The following LXN variants were observed in gnomAD, a reference collection of about 807,000 sequenced individuals.
LXN encodes the protein latexin.
In LXN, 28 loss-of-function variants were observed where a neutral mutation model predicts 29.8. The ratio of observed to expected loss-of-function variants is 0.94; its 90% confidence interval spans 0.70 to 1.29. The LOEUF (loss-of-function observed/expected upper bound fraction) is 1.29, where lower values mean the gene tolerates loss of function less well. LXN is among the 50% of genes most tolerant of loss of function. LXN has a pLI of 0.00. For missense variants in LXN, 227 were observed against 261.7 expected (o/e 0.87, Z 0.92); for synonymous variants, 77 against 89.6 (o/e 0.86, Z 0.80).
chr3:158,669,964 C>T (rs1045336712), intron 2 of LXN, among the ~76,000 whole-genome samples: 2 of 152,068 alleles, frequency 1.3e-5, no homozygotes, highest in African/African-American at 4.8e-5. Context: ...AAAGTTTTTC[C>T]ATTACTCTTA....
Position 158,666,637 on chromosome 3 carries a change from G to A in LXN, c.*9C>T, listed in dbSNP as rs1723714825. On this transcript the variant is annotated 3_prime_UTR_variant, in exon 6 of 6. Coordinates refer to ENST00000264265, the MANE Select transcript of LXN (RefSeq NM_020169.4). ...GACATGTTTACACTTCCAGTGTTAG[G>A]GTTTTTGTTTATTCCAGTTGTACTT... 6.2e-7 allele frequency: 1 copy of A among 1,607,934 alleles called. No individual in the cohort carries two copies. The highest frequency in any genetic ancestry group is 1.3e-5 in the African/African-American group (1 of 74,758).
chr3:158,672,576 G>C lies in LXN; in HGVS notation c.-98C>G. 6.7e-7 allele frequency: 1 copy of C among 1,503,128 alleles called. No individual in the cohort carries two copies. The highest frequency in any genetic ancestry group is 9.1e-7 in the Non-Finnish European group (1 of 1,102,804). The allele number at this position is 1,503,128 out of a possible 1,614,324, so 93.1% of individuals were successfully genotyped here. A position where few individuals can be genotyped will look rare whatever the true frequency, so the allele number is the denominator to read the frequency against. On this transcript the variant is annotated 5_prime_UTR_variant, in exon 1 of 6. Coordinates refer to ENST00000264265, the MANE Select transcript of LXN (RefSeq NM_020169.4). ...CTGCTTGCTGCTGGGTCCGGTTGCC[G>C]AGGCGGAAAAGTCGCAAGCTCCTTC...
Position 158,672,439 on chromosome 3 carries a change from C to A in LXN, c.40G>T (p.Ala14Ser). Reference sequence around the variant, plus strand: ...TTGATGTAGTTCTGTGCCACCAAGGCCGCCCTGGAGGCTGGGTAGTTGGTC... The same window carrying A: ...TTGATGTAGTTCTGTGCCACCAAGGACGCCCTGGAGGCTGGGTAGTTGGTC... ...PPTNYPASRA[A>S]LVAQNYINYQ... The change falls in exon 1 of 6, where the codon GCC (alanine) becomes TCC (serine). Residue 14 changes from alanine to serine, a missense_variant. Physicochemically the swap from Ala to Ser is moderately conservative, Grantham distance 99. Transcript: ENST00000264265. 6.2e-7 allele frequency: 1 copy of A among 1,614,068 alleles called. No individual in the cohort carries two copies. Among genetic ancestry groups the A allele is most frequent in the South Asian group, 1.1e-5 (1 of 91,086 alleles).
At chr3:158,667,812 A>T (rs1480218796) in intron 4 of LXN, among the ~76,000 whole-genome samples, 1 of 152,164 alleles carries the variant, frequency 6.6e-6, no homozygotes, top group Non-Finnish European at 1.5e-5. Context: ...AAACAAAAAA[A>T]CCAGAACACC....
At position 158,666,508 on chromosome 3, in the gene LXN, C is replaced by CTA; in HGVS notation, c.*136_*137dup. ...GTAGTGATACTTTGTATTATGGACTCTATAAAGTTCTATACTGTAATCAAG... is the reference window on the plus strand; with the variant it reads ...GTAGTGATACTTTGTATTATGGACTCTATATAAAGTTCTATACTGTAATCAAG... On this transcript the variant is annotated 3_prime_UTR_variant, in exon 6 of 6. Transcript: ENST00000264265. The CTA allele has an allele frequency of 9.0e-7, 1 of 1,113,234 alleles. No homozygotes were observed. Among genetic ancestry groups the CTA allele is most frequent in the East Asian group, 2.4e-5 (1 of 41,218 alleles). 69.0% of individuals were successfully genotyped at this position (1,113,234 alleles called of 1,614,324 possible). A position where few individuals can be genotyped will look rare whatever the true frequency, so the allele number is the denominator to read the frequency against.
Position 158,672,381 on chromosome 3 carries a change from T to C in LXN, c.98A>G (p.Glu33Gly). ...YQQGTPHRVF[E>G]VQKVKQASME... ...GCTGGCTTGTTTGACCTTCTGCACC[T>C]CAAACACCCTGTGCGGGGTCCCCTG... is the stretch of plus-strand genomic sequence containing the variant. Residue 33 changes from glutamate (E) to glycine (G), a missense_variant, in exon 1 of 6, where the codon GAG (glutamate) becomes GGG (glycine). Coordinates refer to ENST00000264265, the MANE Select transcript of LXN (RefSeq NM_020169.4). 2 of 1,613,994 alleles carry C rather than the reference T, an allele frequency of 1.2e-6. No individual in the cohort carries two copies. The highest frequency in any genetic ancestry group is 1.7e-6 in the Non-Finnish European group (2 of 1,179,922).
At chr3:158,671,049 G>T in intron 1 of LXN, 30 bp from the exon 2 acceptor site, 1 of 1,490,798 alleles carries the variant, frequency 6.7e-7, no homozygotes, top group East Asian at 2.5e-5. Context: ...GTGGAGACAA[G>T]AAAATATTAT....
At chr3:158,669,370 A>G (rs746410239) in intron 3 of LXN, 63 bp downstream of exon 3, 12 of 1,478,760 alleles carry the variant, frequency 8.1e-6, no homozygotes, top group Non-Finnish European at 1.1e-5. Context: ...TTTTAAGCAC[A>G]GATAATTGAG....
chr3:158,666,861 A>C lies in LXN; in HGVS notation c.571-117T>G, dbSNP rs2108054919. On this transcript the variant is annotated intron_variant, in intron 5 of 5. Coordinates refer to ENST00000264265, the MANE Select transcript of LXN (RefSeq NM_020169.4). ...CTTCACAAAGAATAGTACTTTTGTT[A>C]AATTGCTGCAATTATAATATACTTA... The C allele has an allele frequency of 3.5e-6, 5 of 1,422,744 alleles. No homozygotes were observed. The South Asian group carries it at 6.4e-5, about 18-fold the overall frequency. The allele number at this position is 1,422,744 out of a possible 1,614,324, so 88.1% of individuals were successfully genotyped here.
At chr3:158,672,051 A>G (rs1724368241) in intron 1 of LXN, among the ~76,000 whole-genome samples, 1 of 152,198 alleles carries the variant, frequency 6.6e-6, no homozygotes, top group Non-Finnish European at 1.5e-5. Flanking sequence ...TACAGTTTAC[A>G]CTTAAGGAAA....
At chr3:158,671,496 T>C (rs914493318) in intron 1 of LXN, among the ~76,000 whole-genome samples, 13 of 152,252 alleles carry the variant, frequency 8.5e-5, no homozygotes, top group African/African-American at 3.1e-4. Context: ...TTTTTACTTA[T>C]ACATTAGTGA....
At chr3:158,671,646 G>T (rs1724325385) in intron 1 of LXN, among the ~76,000 whole-genome samples, 1 of 152,174 alleles carries the variant, frequency 6.6e-6, no homozygotes, top group Admixed American at 6.5e-5. Context: ...ACCTCTAAAA[G>T]ACTGTTAGCA....
At chr3:158,666,808 G>T in intron 5 of LXN, 64 bp from the exon 6 acceptor site, 1 of 1,515,320 alleles carries the variant, frequency 6.6e-7, no homozygotes, top group Non-Finnish European at 9.1e-7. Flanking sequence ...ACGTAGTTGG[G>T]TTTATGTTTT....
At position 158,666,538 on chromosome 3, in the gene LXN, T is replaced by C; in HGVS notation, c.*108A>G. 8.4e-7 allele frequency: 1 copy of C among 1,185,198 alleles called. No individual in the cohort carries two copies. The allele number at this position is 1,185,198 out of a possible 1,614,324, so 73.4% of individuals were successfully genotyped here. ...AAGTTCTATACTGTAATCAAGACATTTATATAAAGTGACACTTTGGGATTA... is the reference window on the plus strand; with the variant it reads ...AAGTTCTATACTGTAATCAAGACATCTATATAAAGTGACACTTTGGGATTA... On this transcript the variant is annotated 3_prime_UTR_variant, in exon 6 of 6. Transcript: ENST00000264265.
At chr3:158,668,812 T>C (rs1187801668) in intron 4 of LXN, among the ~76,000 whole-genome samples, 184 bp downstream of exon 4, 1 of 152,182 alleles carries the variant, frequency 6.6e-6, no homozygotes, top group African/African-American at 2.4e-5. Flanking sequence ...TTACTGTTGC[T>C]TTGGACTCTT....
chr3:158,671,064 A>G, intron 1 of LXN, 45 bp from the exon 2 acceptor site: 1 of 1,443,202 alleles, frequency 6.9e-7, no homozygotes, highest in East Asian at 2.6e-5. Context: ...TATTATAACA[A>G]CATTATACTT....
intron 2 of LXN, 49 bp downstream of exon 2, chr3:158,670,908 G>C (rs1724222237): frequency 6.9e-7 from 1 of 1,448,062 alleles, no homozygotes; most frequent in Non-Finnish European, 9.1e-7. Flanking sequence ...ACTTCAGCCT[G>C]GGTGATAGAG....
At position 158,666,999 on chromosome 3, in the gene LXN, A is replaced by C; in HGVS notation, c.570+13T>G. The stretch of plus-strand genomic sequence containing the variant: ...TTCAGAATGGCATCAAATAAAGGTA[A>C]ATTATACTTTACCTGAGATGCTATA... On this transcript the variant is annotated intron_variant, in intron 5 of 5. Transcript: ENST00000264265. 1 of 1,592,834 alleles carries C rather than the reference A, an allele frequency of 6.3e-7. No homozygotes were observed. The highest frequency in any genetic ancestry group is 8.5e-7 in the Non-Finnish European group (1 of 1,171,750).
At chr3:158,670,734 T>A (rs949410923) in intron 2 of LXN, among the ~76,000 whole-genome samples, 1 of 152,152 alleles carries the variant, frequency 6.6e-6, no homozygotes, top group African/African-American at 2.4e-5. Context: ...TGGTAGCTCA[T>A]GCTTGTAATC....
Sources: gnomAD v4.1 joint callset for allele counts (sites outside exome capture counted in the v4.1 genomes callset) on GRCh38, gnomAD v4.1.1 for gene constraint, MANE v1.5 for transcripts, NCBI Gene and HGNC (gene_info 2026-07-23, HGNC 2026-07-21) for gene names.